Variants in TTBK2 observed in about 807,000 individuals in gnomAD.
TTBK2 encodes tau-tubulin kinase 2.
In TTBK2, 28 loss-of-function variants were observed where a neutral mutation model predicts 110.8. The observed-to-expected ratio is 0.25, with a 90% CI of 0.19 to 0.35. The LOEUF (loss-of-function observed/expected upper bound fraction) is 0.35. TTBK2 is among the 10% of genes least tolerant of loss of function. The probability of loss-of-function intolerance (pLI) is 1.00; values close to 1 mark genes in which losing one functional copy is unlikely to be tolerated. For missense variants in TTBK2, 1,369 were observed against 1,500.3 expected, an observed-to-expected ratio of 0.91 and a Z score of 1.45; for synonymous variants, 532 against 527.3, an observed-to-expected ratio of 1.01 and a Z score of -0.12.
At chr15:42,896,587 G>A (rs1895677202) in intron 1 of TTBK2, among the ~76,000 whole-genome samples, 1 of 151,988 alleles carries the variant, frequency 6.6e-6, no homozygotes, top group Admixed American at 6.6e-5. Flanking sequence ...AGGAGTTTAA[G>A]AACAGCCTAA....
Position 42,783,486 on chromosome 15 carries a change from G to A in TTBK2, c.1130C>T (p.Pro377Leu). The A allele has an allele frequency of 6.2e-7, 1 of 1,614,070 alleles. No individual in the cohort carries two copies. The highest frequency in any genetic ancestry group is 2.2e-5 in the East Asian group (1 of 44,872). ...KLPGSLGHPR[P>L]QEKDVWEEMD... The stretch of plus-strand genomic sequence containing the variant: ...CTCTTCCCAAACATCCTTCTCCTGG[G>A]GACGGGGGTGTCCCAGAGATCCAGG... Residue 377 changes from proline (P) to leucine (L), a missense_variant, in exon 11 of 15, where the codon CCC (proline) becomes CTC (leucine). Pro to Leu is a moderately conservative substitution (Grantham distance 98). Around this residue, in one of 4 missense-constraint regions of TTBK2, gnomAD observed 1,097 missense variants for 1,114.7 expected, o/e 0.98. Transcript: ENST00000267890.
Position 42,781,230 on chromosome 15 carries a change from A to T in TTBK2, c.1197+2189T>A, listed in dbSNP as rs145985738. Among the ~76,000 whole-genome samples the T allele has an allele frequency of 4.8e-3, 726 of 152,314 alleles. 2 individuals are homozygous for T. Among genetic ancestry groups the T allele is most frequent in the Non-Finnish European group, 9.3e-3 (631 of 68,018 alleles). On this transcript the variant is annotated intron_variant, in intron 11 of 14. Coordinates refer to ENST00000267890, the MANE Select transcript of TTBK2 (RefSeq NM_173500.4). ...TAGTAGGAACAGAATAGAAATAGTCATTATATAAAGAAAAACAAAACTTTT... is the reference window on the plus strand; with the variant it reads ...TAGTAGGAACAGAATAGAAATAGTCTTTATATAAAGAAAAACAAAACTTTT...
At chr15:42,773,165 T>G (rs1889750756) in intron 13 of TTBK2, among the ~76,000 whole-genome samples, 1 of 152,136 alleles carries the variant, frequency 6.6e-6, no homozygotes, top group Admixed American at 6.5e-5. Flanking sequence ...ATCATTCCAC[T>G]GTGCTACAGC....
intron 10 of TTBK2, 114 bp from the exon 11 acceptor site, chr15:42,783,749 A>AG (rs1233814999): frequency 1.1e-6 from 1 of 938,184 alleles, no homozygotes; most frequent in Non-Finnish European, 1.6e-6. Context: ...AGAGTTAAAA[A>AG]AAAAAAAAAA....
chr15:42,805,405 G>A (rs1235100072), intron 9 of TTBK2, among the ~76,000 whole-genome samples: 2 of 152,110 alleles, frequency 1.3e-5, no homozygotes, highest in East Asian at 1.9e-4. Context: ...AGGAGGCTGC[G>A]GAGAAACTGA....
intron 3 of TTBK2, among the ~76,000 whole-genome samples, chr15:42,848,972 G>T (rs888352730): frequency 6.6e-6 from 1 of 152,028 alleles, no homozygotes; most frequent in African/African-American, 2.4e-5. Context: ...TGATTCTTGG[G>T]ATTTTCTATA....
At chr15:42,801,096 C>T (rs1409237314) in intron 9 of TTBK2, 1 of 818,070 alleles carries the variant, frequency 1.2e-6, no homozygotes, top group South Asian at 1.3e-5. Context: ...AAAGCTGGAG[C>T]CCAGGCCGTA....
At chr15:42,915,338 T>G (rs892910422) in intron 1 of TTBK2, among the ~76,000 whole-genome samples, 1 of 152,244 alleles carries the variant, frequency 6.6e-6, no homozygotes, top group South Asian at 2.1e-4. Flanking sequence ...TGTCTCAGTA[T>G]AGCAGTGCTT....
At chr15:42,797,612 A>G (rs1191505341) in intron 9 of TTBK2, among the ~76,000 whole-genome samples, 1 of 152,200 alleles carries the variant, frequency 6.6e-6, no homozygotes, top group Admixed American at 6.5e-5. Context: ...CCTTCCTCAG[A>G]TTGGAATAGT....
chr15:42,818,205 A>T (rs943978595), intron 6 of TTBK2, among the ~76,000 whole-genome samples: 3 of 152,132 alleles, frequency 2.0e-5, no homozygotes, highest in Non-Finnish European at 4.4e-5. Flanking sequence ...CCTCCCAAGT[A>T]GCTGGAACTA....
rs760168629 is a variant in TTBK2 at position 42,872,705 on chromosome 15, C to T, written c.123G>A (p.Met41Ile). ...GFGEIYDALDMLTRENVALKV... is the reference protein window; with the variant it reads ...GFGEIYDALDILTRENVALKV... ...TCAGTGCAACATTTTCCCTGGTGAG[C>T]ATGTCCAAGGCATCGTAAATTTCTC... Residue 41 changes from methionine (M) to isoleucine (I), a missense_variant, in exon 3 of 15, where the codon ATG becomes ATA. By Grantham distance (10) the Met-to-Ile change is conservative (BLOSUM62 1). This residue lies in a region of TTBK2 where 122 missense variants were observed against 159.7 expected (regional missense o/e 0.76). Coordinates refer to ENST00000267890, the MANE Select transcript of TTBK2 (RefSeq NM_173500.4). 6.2e-6 allele frequency: 10 copies of T among 1,614,094 alleles called. No homozygotes were observed. Among genetic ancestry groups the T allele is most frequent in the South Asian group, 1.1e-5 (1 of 91,076 alleles).
intron 3 of TTBK2, among the ~76,000 whole-genome samples, chr15:42,863,604 CA>C (rs1363396674): frequency 6.6e-6 from 1 of 151,842 alleles, no homozygotes; most frequent in Non-Finnish European, 1.5e-5. Flanking sequence ...CATATGGAAC[CA>C]AAAAAGAACC....
In TTBK2 at chr15:42,739,095, AAT is replaced by A. The variant is rs1321906896; in HGVS notation, c.*6698_*6699del. On this transcript the variant is annotated 3_prime_UTR_variant, in exon 15 of 15. Transcript: ENST00000267890. The stretch of plus-strand genomic sequence containing the variant: ...ATGATACAAATGGGAAAATTAAATA[AAT>A]AATTACACTTTTATGTACAGGTGGC... 6.6e-6 allele frequency: 1 copy of A among 152,234 alleles called. No individual in the cohort carries two copies. Among genetic ancestry groups the A allele is most frequent in the East Asian group, 1.9e-4 (1 of 5,202 alleles). 9.4% of individuals were successfully genotyped at this position (152,234 alleles called of 1,614,324 possible).
chr15:42,832,191 C>G lies in TTBK2; in HGVS notation c.292-2113G>C, dbSNP rs543635648. Among the ~76,000 whole-genome samples the G allele has an allele frequency of 2.6e-5, 4 of 152,176 alleles. No individual in the cohort carries two copies. In the South Asian group the frequency reaches 8.3e-4, roughly 32 times the overall value. On this transcript the variant is annotated intron_variant, in intron 4 of 14. Transcript: ENST00000267890. The stretch of plus-strand genomic sequence containing the variant: ...TGAACTGTATAACCACATGAGAGTA[C>G]CTAATAACTTTTATTAGCATTCCAA...
At chr15:42,801,318 TC>T (rs1891189355) in intron 9 of TTBK2, 1 of 1,523,294 alleles carries the variant, frequency 6.6e-7, no homozygotes, top group Non-Finnish European at 8.9e-7. Context: ...CCGCGCCATG[TC>T]TTGACTGGCT....
intron 11 of TTBK2, among the ~76,000 whole-genome samples, chr15:42,780,390 T>C (rs1355827120): frequency 4.0e-5 from 6 of 151,214 alleles, no homozygotes; most frequent in African/African-American, 1.5e-4. Context: ...AGAAGAGTAC[T>C]AAAATGTTGG....
rs959822078 is a variant in TTBK2 at position 42,743,056 on chromosome 15, G to C, written c.*2739C>G. 1 of 152,126 alleles carries C rather than the reference G, an allele frequency of 6.6e-6. No homozygotes were observed. The highest frequency in any genetic ancestry group is 1.5e-5 in the Non-Finnish European group (1 of 68,018). The allele number at this position is 152,126 out of a possible 1,614,324, so 9.4% of individuals were successfully genotyped here. On this transcript the variant is annotated 3_prime_UTR_variant, in exon 15 of 15. Coordinates refer to ENST00000267890, the MANE Select transcript of TTBK2 (RefSeq NM_173500.4). ...AAACTATGCTTGTAAAAACCAAAAA[G>C]TAAATCTCTACATAGGACAATACTT...
chr15:42,810,754 G>T lies in TTBK2; in HGVS notation c.697-15C>A. ...CCTACTTGCTCCTGGGAAGTAAAGA[G>T]AAAAAGAGCTACAGTCAATTTCTCT... On this transcript the variant is annotated splice_polypyrimidine_tract_variant and intron_variant, in intron 8 of 14. Transcript: ENST00000267890. 6.2e-7 allele frequency: 1 copy of T among 1,613,222 alleles called. No individual in the cohort carries two copies. The highest frequency in any genetic ancestry group is 8.5e-7 in the Non-Finnish European group (1 of 1,179,732).
intron 9 of TTBK2, chr15:42,802,366 G>A (rs760296593): frequency 2.4e-5 from 18 of 765,260 alleles, no homozygotes; most frequent in South Asian, 1.9e-4. Context: ...GGGGCCAGAG[G>A]TGGACACCTT....
Sources: allele counts gnomAD v4.1 joint callset (sites outside exome capture counted in the v4.1 genomes callset), GRCh38; gene constraint gnomAD v4.1.1; regional missense constraint gnomAD v4.1.1; transcripts MANE v1.5; gene names NCBI Gene and HGNC (gene_info 2026-07-23, HGNC 2026-07-21).